The following MOV10 variants were observed in gnomAD, a reference collection of about 807,000 sequenced individuals.
The protein encoded by MOV10 is Mov10 RNA helicase, also known as RNA helicase MOV-10.
Under a neutral mutation model 108.4 loss-of-function variants are expected in MOV10, and 39 were observed. That is an observed-to-expected ratio of 0.36 (90% CI 0.28 to 0.47). The LOEUF (loss-of-function observed/expected upper bound fraction) is 0.47. Ranked by LOEUF, MOV10 falls within the 20% of genes least tolerant of loss-of-function variation. MOV10 has a pLI of 1.00. For missense variants in MOV10, 952 were observed against 1,297.6 expected (o/e 0.73, Z 4.09); for synonymous variants, 490 against 523.1 (o/e 0.94, Z 0.86).
intron 12 of MOV10, 38 bp from the exon 13 acceptor site, chr1:112,696,399 G>T: frequency 1.3e-6 from 2 of 1,533,136 alleles, no homozygotes; most frequent in African/African-American, 1.4e-5. Flanking sequence ...GTAGTTGGGT[G>T]CCTGGATATG....
At chr1:112,682,502 C>G (rs1255076824) in intron 2 of MOV10, among the ~76,000 whole-genome samples, 1 of 152,202 alleles carries the variant, frequency 6.6e-6, no homozygotes, top group Non-Finnish European at 1.5e-5. Flanking sequence ...AATTTGCAAA[C>G]AGCAAAATGT....
intron 3 of MOV10, 105 bp from the exon 4 acceptor site, chr1:112,689,310 A>C: frequency 7.9e-7 from 1 of 1,268,864 alleles, no homozygotes; most frequent in Non-Finnish European, 1.1e-6. Flanking sequence ...TTTCCTAAGC[A>C]CAGCTGGCAC....
At chr1:112,679,767 G>T (rs1321048743) in intron 2 of MOV10, among the ~76,000 whole-genome samples, 1 of 152,086 alleles carries the variant, frequency 6.6e-6, no homozygotes, top group Non-Finnish European at 1.5e-5. Context: ...AAAGATAGGA[G>T]TTTTTGTAAT....
intron 2 of MOV10, among the ~76,000 whole-genome samples, chr1:112,682,888 T>C (rs1469811558): frequency 6.6e-6 from 1 of 151,644 alleles, no homozygotes; most frequent in Non-Finnish European, 1.5e-5. Flanking sequence ...GTTTTTAGTT[T>C]GGGGCTCTTC....
At chr1:112,674,532 G>T (rs563424257), upstream of MOV10, 1 of 162,332 alleles carries the variant, frequency 6.2e-6, no homozygotes, top group Middle Eastern at 3.0e-3. Flanking sequence ...CGTGAGGGTA[G>T]CCCTGGCTGA....
chr1:112,692,331 G>T (rs937004200), intron 6 of MOV10, among the ~76,000 whole-genome samples: 2 of 152,188 alleles, frequency 1.3e-5, no homozygotes, highest in African/African-American at 4.8e-5. Flanking sequence ...GCAAGATCTT[G>T]TCTCTAAAAA....
intron 15 of MOV10, 29 bp downstream of exon 15, chr1:112,698,140 CT>C (rs746355197): frequency 2.5e-6 from 4 of 1,604,840 alleles, no homozygotes; most frequent in Admixed American, 1.7e-5. Flanking sequence ...GGCCCCACCC[CT>C]GTACCCTGAC....
chr1:112,687,629 C>G (rs974963206), intron 2 of MOV10, among the ~76,000 whole-genome samples: 11 of 152,204 alleles, frequency 7.2e-5, no homozygotes, highest in Non-Finnish European at 1.2e-4. Flanking sequence ...CTGCCCACCT[C>G]TGCTCCTCCT....
chr1:112,681,556 G>A lies in MOV10; in HGVS notation c.137+6507G>A, dbSNP rs79483419. Among the ~76,000 whole-genome samples the A allele has an allele frequency of 8.9e-3, 1,358 of 152,138 alleles. 39 individuals carry two copies. The highest frequency in any genetic ancestry group is 0.031 in the African/African-American group (1,295 of 41,438). On this transcript the variant is annotated intron_variant, in intron 2 of 20. Transcript: ENST00000369645. Reference sequence around the variant, plus strand: ...CTCAACTGTGTGATGGGAATCACTCGTAGGCATATGGCATAGACCTCTAAT... The same window carrying A: ...CTCAACTGTGTGATGGGAATCACTCATAGGCATATGGCATAGACCTCTAAT...
Position 112,696,267 on chromosome 1 carries a change from G to A in MOV10, c.1883+16G>A, listed in dbSNP as rs1674079084. The A allele has an allele frequency of 6.4e-7, 1 of 1,565,434 alleles. No individual in the cohort carries two copies. The highest frequency in any genetic ancestry group is 1.4e-5 in the African/African-American group (1 of 73,826). On this transcript the variant is annotated intron_variant, in intron 12 of 20. Transcript: ENST00000369645. ...CTGCCGGCAGGTGGGGAGTGTGTGT[G>A]GGTGTGTCTCTGAATCGTAAGTGTA...
Position 112,691,589 on chromosome 1 carries a change from C to T in MOV10, c.837-76C>T. 3.9e-6 allele frequency: 6 copies of T among 1,537,586 alleles called. No individual in the cohort carries two copies. The South Asian group carries it at 7.3e-5, about 19-fold the overall frequency. ...AGTAGGATTGCAGGAGGGCTTTGTG[C>T]ATCCACCCCAGAGGGGCGTTCTCAG... is the stretch of plus-strand genomic sequence containing the variant. On this transcript the variant is annotated intron_variant, in intron 5 of 20. Coordinates refer to ENST00000369645, the MANE Select transcript of MOV10 (RefSeq NM_001321324.2).
chr1:112,690,132 C>T (rs748802568), intron 5 of MOV10, 34 bp downstream of exon 5: 7 of 1,604,514 alleles, frequency 4.4e-6, no homozygotes, highest in South Asian at 1.1e-5. Flanking sequence ...CCTGGCTGGG[C>T]TCGTATCTCA....
At chr1:112,678,901 T>C (rs148354175) in intron 2 of MOV10, among the ~76,000 whole-genome samples, 186 of 152,188 alleles carry the variant, frequency 1.2e-3, no homozygotes, top group African/African-American at 4.1e-3. Flanking sequence ...AAAACACATT[T>C]TACTTTGGGA....
chr1:112,694,057 G>A lies in MOV10; in HGVS notation c.1180G>A (p.Gly394Ser). The change falls in exon 8 of 21, where the codon GGC becomes AGC. Residue 394 changes from glycine (G) to serine (S), a missense_variant. This residue lies in a region of MOV10 where 18 missense variants were observed against 56.7 expected (regional missense o/e 0.32). Coordinates refer to ENST00000369645, the MANE Select transcript of MOV10 (RefSeq NM_001321324.2). The surrounding 1 kb of genome is among the most constrained non-coding windows in gnomAD (Gnocchi z 4.1). ...TGAGAGCCGCCCCTCAGTGCTACGG[G>A]GCGACCACCTGTTTGCCCTTTTGTC... ...VTESRPSVLR[G>S]DHLFALLSSE... The A allele has an allele frequency of 6.2e-7, 1 of 1,614,048 alleles. No homozygotes were observed. Among genetic ancestry groups the A allele is most frequent in the Non-Finnish European group, 8.5e-7 (1 of 1,180,004 alleles).
Position 112,698,803 on chromosome 1 carries a change from CCA to C in MOV10, c.2583+17_2583+18del, listed in dbSNP as rs747341092. ...AAGGACTTGAAGGTGACATGCTGTT[CCA>C]CAGTCACTCCCTGCCTTCCGTGTGC... On this transcript the variant is annotated intron_variant, in intron 17 of 20. Coordinates refer to ENST00000369645, the MANE Select transcript of MOV10 (RefSeq NM_001321324.2). 5.6e-6 allele frequency: 9 copies of C among 1,609,494 alleles called. No homozygotes were observed. The highest frequency in any genetic ancestry group is 1.6e-4 in the Middle Eastern group (1 of 6,078).
At chr1:112,679,050 GA>G (rs1570749613) in intron 2 of MOV10, among the ~76,000 whole-genome samples, 1 of 152,096 alleles carries the variant, frequency 6.6e-6, no homozygotes, top group East Asian at 1.9e-4. Context: ...ATGGGAGTTG[GA>G]ATCCATAGTC....
intron 15 of MOV10, 53 bp from the exon 16 acceptor site, chr1:112,698,234 G>C (rs1674288314): frequency 6.2e-7 from 1 of 1,601,632 alleles, no homozygotes; most frequent in Admixed American, 1.7e-5. Flanking sequence ...TGGGAAGGGA[G>C]GGAATAGAGG....
At chr1:112,679,834 G>T (rs2999154) in intron 2 of MOV10, among the ~76,000 whole-genome samples, 77,343 of 151,846 alleles carry the variant, frequency 0.51, 20,221 homozygotes, top group South Asian at 0.66. Flanking sequence ...TTTGGGAAAA[G>T]GGCATTTTCT....
intron 2 of MOV10, among the ~76,000 whole-genome samples, chr1:112,677,805 TCTAGGAGATTC>T (rs1260185671): frequency 1.3e-5 from 2 of 152,084 alleles, no homozygotes; most frequent in Non-Finnish European, 2.9e-5. Flanking sequence ...CTTTAGGAAT[TCTAGGAGATTC>T]CTACACTGAG....
Sources: allele counts gnomAD v4.1 joint callset (sites outside exome capture counted in the v4.1 genomes callset), GRCh38; gene constraint gnomAD v4.1.1; regional missense constraint gnomAD v4.1.1; non-coding constraint Gnocchi (gnomAD v3.1); transcripts MANE v1.5; gene names NCBI Gene and HGNC (gene_info 2026-07-23, HGNC 2026-07-21).